PAK3: variants seen among roughly 807,000 people sequenced by gnomAD.
The protein encoded by PAK3 is serine/threonine-protein kinase PAK 3.
In PAK3, 4 loss-of-function variants were observed where a neutral mutation model predicts 41.0. That is an observed-to-expected ratio of 0.10 (90% CI 0.05 to 0.22). The LOEUF (loss-of-function observed/expected upper bound fraction) is 0.22. Ranked by LOEUF, PAK3 falls within the 10% of genes least tolerant of loss-of-function variation. The pLI, the probability that PAK3 is intolerant of heterozygous loss-of-function variation, is 1.00. For missense variants in PAK3, 205 were observed against 409.9 expected, an observed-to-expected ratio of 0.50 and a Z score of 4.32; for synonymous variants, 146 against 139.6, an observed-to-expected ratio of 1.05 and a Z score of -0.32.
rs1297906110 is a variant in PAK3 at position 111,224,459 on chromosome X, C to T, written c.*4012C>T. ...CATTTTCTTGTCCAACAGGATATTA[C>T]TGTATATCATTCAGGTAGGATTCTT... On this transcript the variant is annotated 3_prime_UTR_variant, in exon 18 of 18. Transcript: ENST00000372007. The T allele has an allele frequency of 8.9e-6, 1 of 112,189 alleles. No homozygotes were observed. The highest frequency in any genetic ancestry group is 1.9e-5 in the Non-Finnish European group (1 of 53,291). The allele number at this position is 112,189 out of a possible 1,213,427, so 9.2% of individuals were successfully genotyped here. A position where few individuals can be genotyped will look rare whatever the true frequency, so the allele number is the denominator to read the frequency against.
intron 1 of PAK3, among the ~76,000 whole-genome samples, chrX:111,058,110 T>C (rs937732798): frequency 1.7e-4 from 19 of 112,332 alleles, no homozygotes; most frequent in African/African-American, 2.9e-4. Context: ...TTTCTAATTT[T>C]TGGTTTTTAT....
At chrX:111,110,288 C>A (rs150616986) in intron 4 of PAK3, among the ~76,000 whole-genome samples, 5,118 of 111,755 alleles carry the variant, frequency 0.046, 142 homozygotes, top group African/African-American at 0.098. Flanking sequence ...GAAGAAATAG[C>A]TTCAGAGGGG....
intron 8 of PAK3, among the ~76,000 whole-genome samples, chrX:111,161,738 G>T (rs931806414): frequency 7.9e-5 from 8 of 101,383 alleles, no homozygotes; most frequent in Admixed American, 3.9e-4. Context: ...TTTCCCCATT[G>T]CTTGTTTTTG....
chrX:111,116,280 C>A (rs2093461788), intron 4 of PAK3, among the ~76,000 whole-genome samples: 1 of 111,699 alleles, frequency 9.0e-6, no homozygotes. Context: ...AGGGTAATTA[C>A]TTTTGTTTTT....
At chrX:111,046,595 T>C (rs1410685588) in intron 1 of PAK3, among the ~76,000 whole-genome samples, 1 of 111,706 alleles carries the variant, frequency 9.0e-6, no homozygotes, top group Admixed American at 9.5e-5. Flanking sequence ...ATTGCAAATC[T>C]CAGCCCAGCA....
At chrX:111,027,552 C>G (rs1300995674) in intron 1 of PAK3, among the ~76,000 whole-genome samples, 6 of 112,000 alleles carry the variant, frequency 5.4e-5, no homozygotes, top group African/African-American at 1.9e-4. Context: ...AAATGGCCAA[C>G]AAGCATATGG....
At chrX:111,144,943 C>T (rs199994186) in intron 6 of PAK3, 2 of 909,019 alleles carry the variant, frequency 2.2e-6, no homozygotes, top group Admixed American at 2.6e-5. Flanking sequence ...TATAAATTAT[C>T]ATTTCTTATG....
intron 11 of PAK3, among the ~76,000 whole-genome samples, chrX:111,190,727 C>A (rs1336051075): frequency 9.0e-6 from 1 of 111,540 alleles, no homozygotes; most frequent in Non-Finnish European, 1.9e-5. Flanking sequence ...AAAAGAATGA[C>A]AAGGAAGTGC....
chrX:110,999,038 A>G (rs1040075759), intron 1 of PAK3, among the ~76,000 whole-genome samples: 2 of 111,645 alleles, frequency 1.8e-5, no homozygotes, highest in African/African-American at 6.5e-5. Flanking sequence ...CAGGGAGCAG[A>G]CAGGCTGTTG....
intron 8 of PAK3, among the ~76,000 whole-genome samples, chrX:111,161,364 T>G (rs1397217296): frequency 2.1e-3 from 235 of 111,701 alleles, no homozygotes; most frequent in Non-Finnish European, 3.5e-3. Context: ...TTCTGGATAT[T>G]AGCCCTTTGT....
At chrX:111,047,013 G>T (rs2092505935) in intron 1 of PAK3, among the ~76,000 whole-genome samples, 1 of 111,991 alleles carries the variant, frequency 8.9e-6, no homozygotes, top group Non-Finnish European at 1.9e-5. Flanking sequence ...ACTCCCAGTG[G>T]ATGAGAGAAA....
chrX:111,061,465 A>C (rs954756534), intron 1 of PAK3, among the ~76,000 whole-genome samples: 3 of 112,276 alleles, frequency 2.7e-5, no homozygotes, highest in Non-Finnish European at 5.6e-5. Flanking sequence ...CTATTCTTGT[A>C]CATTCACTTT....
At chrX:111,094,588 C>T (rs1192870581), upstream of PAK3, among the ~76,000 whole-genome samples, 1 of 110,240 alleles carries the variant, frequency 9.1e-6, no homozygotes, top group Non-Finnish European at 1.9e-5. Context: ...TTCTCAATTC[C>T]CTGTATCATC....
chrX:111,136,072 C>T (rs191519972), intron 5 of PAK3, among the ~76,000 whole-genome samples: 165 of 109,145 alleles, frequency 1.5e-3, no homozygotes, highest in African/African-American at 5.0e-3. Context: ...TTCATAGGGG[C>T]GGGAGAGAAA....
chrX:111,060,136 A>C (rs925746689), intron 1 of PAK3, among the ~76,000 whole-genome samples: 5 of 111,499 alleles, frequency 4.5e-5, no homozygotes, highest in South Asian at 3.8e-4. Flanking sequence ...TTTTTTTATC[A>C]TGGAGGAATG....
chrX:111,028,866 C>T (rs1217194687), intron 1 of PAK3, among the ~76,000 whole-genome samples: 1 of 111,614 alleles, frequency 9.0e-6, no homozygotes, highest in African/African-American at 3.3e-5. Flanking sequence ...GGCACAGTGG[C>T]TCATGCCTAT....
At position 111,169,642 on chromosome X, in the gene PAK3, A is replaced by T. The variant is rs746339110; in HGVS notation, c.767-3376A>T. ...AATAGGAACTTGCCACAGAGAAAATATGGGAAGGACATTTCAGGCAGCGAA... is the reference window on the plus strand; with the variant it reads ...AATAGGAACTTGCCACAGAGAAAATTTGGGAAGGACATTTCAGGCAGCGAA... On this transcript the variant is annotated intron_variant, in intron 10 of 17. Transcript: ENST00000372007. Among the ~76,000 whole-genome samples, 5 of 111,539 alleles carry T rather than the reference A, an allele frequency of 4.5e-5. No homozygotes were observed. The East Asian group carries it at 1.4e-3, about 32-fold the overall frequency.
intron 1 of PAK3, among the ~76,000 whole-genome samples, chrX:110,991,133 A>AG (rs1230129575): frequency 4.4e-4 from 7 of 15,797 alleles, no homozygotes; most frequent in African/African-American, 4.7e-4. Context: ...CCCTGTCTCA[A>AG]AAAAAAAAAG....
intron 16 of PAK3, among the ~76,000 whole-genome samples, chrX:111,198,434 T>C (rs2094640104): frequency 8.9e-6 from 1 of 112,585 alleles, no homozygotes. Context: ...TCCTAGGTTT[T>C]CTTCTAGGGT....
Sources: allele counts gnomAD v4.1 joint callset (sites outside exome capture counted in the v4.1 genomes callset), GRCh38; gene constraint gnomAD v4.1.1; transcripts MANE v1.5; gene names NCBI Gene and HGNC (gene_info 2026-07-23, HGNC 2026-07-21).